GRM8: variants seen among roughly 807,000 people sequenced by gnomAD.
GRM8 encodes the protein metabotropic glutamate receptor 8.
GRM8 carries 47 observed loss-of-function variants against 87.2 expected under a neutral mutation model. The ratio of observed to expected loss-of-function variants is 0.54; its 90% CI spans 0.43 to 0.69. The LOEUF is 0.69. Ranked by LOEUF, GRM8 falls within the 30% of genes least tolerant of loss-of-function variation. GRM8 has a pLI of 0.00. For synonymous variants in GRM8, 396 were observed against 404.5 expected (o/e 0.98, Z 0.25); for missense variants, 1,019 against 1,139.2 (o/e 0.89, Z 1.52).
At chr7:127,154,934 G>A (rs572580178) in intron 2 of GRM8, among the ~76,000 whole-genome samples, 1 of 152,206 alleles carries the variant, frequency 6.6e-6, no homozygotes, top group South Asian at 2.1e-4. Context: ...TGCGGGTTAT[G>A]GAAATAAGAC....
At chr7:126,744,928 T>G (rs886878540) in intron 7 of GRM8, among the ~76,000 whole-genome samples, 1 of 151,596 alleles carries the variant, frequency 6.6e-6, no homozygotes, top group Non-Finnish European at 1.5e-5. Context: ...GCAATGGCTA[T>G]TTTTCATTAA....
At chr7:126,676,967 G>T (rs1436569632) in intron 7 of GRM8, among the ~76,000 whole-genome samples, 1 of 152,030 alleles carries the variant, frequency 6.6e-6, no homozygotes, top group Admixed American at 6.6e-5. Flanking sequence ...ACTATACAAT[G>T]ACCAAAGGTC....
chr7:126,565,337 C>G (rs1794123588), intron 8 of GRM8, among the ~76,000 whole-genome samples: 2 of 151,384 alleles, frequency 1.3e-5, no homozygotes, highest in African/African-American at 4.8e-5. Context: ...ACTGTTAGAA[C>G]AAACAAATTC....
intron 3 of GRM8, among the ~76,000 whole-genome samples, chr7:127,043,263 G>C (rs1180840612): frequency 6.6e-6 from 1 of 152,166 alleles, no homozygotes; most frequent in African/African-American, 2.4e-5. Flanking sequence ...TCCCATTACT[G>C]GGTATATACC....
intron 2 of GRM8, among the ~76,000 whole-genome samples, chr7:127,179,854 C>T (rs574336566): frequency 9.9e-5 from 15 of 152,028 alleles, no homozygotes; most frequent in Admixed American, 9.2e-4. Context: ...AAAGGCGGTG[C>T]TAAGAGGAAA....
intron 7 of GRM8, among the ~76,000 whole-genome samples, chr7:126,628,348 T>G (rs1800900302): frequency 1.3e-5 from 2 of 152,164 alleles, no homozygotes; most frequent in Admixed American, 6.5e-5. Context: ...CCCAGCCTAG[T>G]CCCTCTTTTC....
chr7:126,805,215 C>A, intron 6 of GRM8, among the ~76,000 whole-genome samples: 1 of 152,138 alleles, frequency 6.6e-6, no homozygotes, highest in Non-Finnish European at 1.5e-5. Context: ...ACTCTGCTTT[C>A]AACTTGGGAC....
At chr7:126,788,420 A>ACAAAAAAAAAACAAAAAAAAAAAAAAAC (rs1554492200) in intron 6 of GRM8, among the ~76,000 whole-genome samples, 2 of 81,138 alleles carry the variant, frequency 2.5e-5, no homozygotes, top group African/African-American at 9.2e-5. Flanking sequence ...AAAAAAAAAA[A>ACAAAAAAAAAACAAAAAAAAAAAAAAAC]AAACCCTTTC....
At chr7:126,885,995 C>G (rs1800456357) in intron 6 of GRM8, among the ~76,000 whole-genome samples, 1 of 152,072 alleles carries the variant, frequency 6.6e-6, no homozygotes. Context: ...TGTAAGTAGC[C>G]TGGGGTGATT....
intron 2 of GRM8, among the ~76,000 whole-genome samples, chr7:127,186,111 G>A (rs1186852852): frequency 1.3e-5 from 2 of 152,216 alleles, no homozygotes; most frequent in East Asian, 3.9e-4. Flanking sequence ...GGAGAACAGA[G>A]ACACAGACAT....
At chr7:126,608,158 T>G (rs1798553688) in intron 8 of GRM8, among the ~76,000 whole-genome samples, 1 of 143,604 alleles carries the variant, frequency 7.0e-6, no homozygotes, top group South Asian at 2.5e-4. Context: ...TCCACAGCCC[T>G]GTGCACTGAT....
chr7:126,654,359 T>G (rs958686523), intron 7 of GRM8, among the ~76,000 whole-genome samples: 2 of 152,204 alleles, frequency 1.3e-5, no homozygotes, highest in Non-Finnish European at 2.9e-5. Flanking sequence ...TATCTTCAAA[T>G]TGAAGAAAAA....
At chr7:126,556,236 T>C (rs1793119510) in intron 8 of GRM8, among the ~76,000 whole-genome samples, 1 of 152,060 alleles carries the variant, frequency 6.6e-6, no homozygotes, top group Non-Finnish European at 1.5e-5. Context: ...AACTAGTTAT[T>C]GTTTTGTGTT....
chr7:126,981,666 G>A (rs374425882), intron 3 of GRM8: 1 of 152,160 alleles, frequency 6.6e-6, no homozygotes, highest in South Asian at 2.1e-4. Context: ...CCGACACACT[G>A]GGTATTAAGT....
At chr7:127,099,150 T>C (rs2133001802) in intron 3 of GRM8, among the ~76,000 whole-genome samples, 1 of 152,284 alleles carries the variant, frequency 6.6e-6, no homozygotes, top group Middle Eastern at 3.4e-3. Flanking sequence ...GAGCTTATGA[T>C]GGAAAAGCAT....
At chr7:126,993,105 C>A (rs573230644) in intron 3 of GRM8, among the ~76,000 whole-genome samples, 1 of 151,940 alleles carries the variant, frequency 6.6e-6, no homozygotes, top group African/African-American at 2.4e-5. Context: ...ATTTAAGATA[C>A]GAATTCACTG....
chr7:126,551,997 T>G (rs1362310659), intron 8 of GRM8, among the ~76,000 whole-genome samples: 1 of 152,150 alleles, frequency 6.6e-6, no homozygotes, highest in East Asian at 1.9e-4. Flanking sequence ...ATATGAAAAT[T>G]ATATGCTTCA....
At chr7:126,808,031 G>T (rs1370604987) in intron 6 of GRM8, among the ~76,000 whole-genome samples, 3 of 152,104 alleles carry the variant, frequency 2.0e-5, no homozygotes. Flanking sequence ...TCCTAGTCCT[G>T]AAACAGCTAC....
At chr7:127,151,579 C>T (rs951580035) in intron 2 of GRM8, among the ~76,000 whole-genome samples, 15 of 152,068 alleles carry the variant, frequency 9.9e-5, no homozygotes, top group African/African-American at 2.2e-4. Flanking sequence ...TGTTCAGTCA[C>T]GCTGCAACAT....
Sources: allele counts gnomAD v4.1 joint callset (sites outside exome capture counted in the v4.1 genomes callset), GRCh38; gene constraint gnomAD v4.1.1; transcripts MANE v1.5; gene names NCBI Gene and HGNC (gene_info 2026-07-23, HGNC 2026-07-21).